Variants in ADGRL3 observed in about 807,000 individuals in gnomAD.
ADGRL3 encodes calcium-independent alpha-latrotoxin receptor 3.
In ADGRL3, 62 loss-of-function variants were observed where a neutral mutation model predicts 153.5. The ratio of observed to expected loss-of-function variants is 0.40; its 90% CI spans 0.33 to 0.50. The LOEUF is 0.50. Among genes scored for constraint, ADGRL3 ranks in the 20% least tolerant of loss-of-function variants. The pLI is 0.47. For synonymous variants in ADGRL3, 710 were observed against 672.5 expected (o/e 1.06, Z -0.86); for missense variants, 1,641 against 1,859.4 (o/e 0.88, Z 2.16).
chr4:61,846,606 A>G (rs2098118947), intron 9 of ADGRL3, among the ~76,000 whole-genome samples: 1 of 152,020 alleles, frequency 6.6e-6, no homozygotes, highest in South Asian at 2.1e-4. Context: ...TGTAGCATTT[A>G]ATTTGTGTGG....
At chr4:62,041,890 C>T (rs138779566) in intron 24 of ADGRL3, among the ~76,000 whole-genome samples, 1,646 of 152,030 alleles carry the variant, frequency 0.011, 26 homozygotes, top group Non-Finnish European at 0.016. Context: ...AGTTGTTAAC[C>T]TCCTGCACTC....
chr4:62,029,945 G>A (rs1246638283), intron 22 of ADGRL3, among the ~76,000 whole-genome samples: 1 of 151,352 alleles, frequency 6.6e-6, no homozygotes, highest in Non-Finnish European at 1.5e-5. Context: ...GAATCCAGTT[G>A]TAGTATAAAA....
chr4:61,983,923 T>G (rs970152011), intron 19 of ADGRL3, among the ~76,000 whole-genome samples: 1 of 152,184 alleles, frequency 6.6e-6, no homozygotes, highest in Non-Finnish European at 1.5e-5. Flanking sequence ...AAGAGCTATT[T>G]GCTAGCATAG....
Position 61,384,834 on chromosome 4 carries a change from C to G in ADGRL3, c.-174+1645C>G, listed in dbSNP as rs1349456559. On this transcript the variant is annotated intron_variant, in intron 2 of 26. Coordinates refer to ENST00000683033, the MANE Select transcript of ADGRL3 (RefSeq NM_001387552.1). ...AACTGAAAAAGACACACACAAAAGG[C>G]CAAACATATGATTCTATTTATATGG... 2.0e-5 allele frequency among the ~76,000 whole-genome samples: 3 copies of G among 151,818 alleles called. No individual in the cohort carries two copies. In the East Asian group the frequency reaches 5.8e-4, roughly 29 times the overall value.
At chr4:61,908,158 TC>T (rs1280155998) in intron 11 of ADGRL3, among the ~76,000 whole-genome samples, 1 of 152,002 alleles carries the variant, frequency 6.6e-6, no homozygotes, top group Non-Finnish European at 1.5e-5. Flanking sequence ...ACACCTGTAG[TC>T]CCAGCTACAT....
At chr4:61,694,531 G>A (rs1409116425) in intron 6 of ADGRL3, among the ~76,000 whole-genome samples, 2 of 152,096 alleles carry the variant, frequency 1.3e-5, no homozygotes, top group Non-Finnish European at 2.9e-5. Flanking sequence ...ATACCTTATT[G>A]CTAAAATGTG....
intron 21 of ADGRL3, among the ~76,000 whole-genome samples, chr4:62,015,800 T>C (rs961814217): frequency 3.3e-5 from 5 of 152,094 alleles, no homozygotes; most frequent in African/African-American, 1.2e-4. Flanking sequence ...CTTTTTCTTT[T>C]ACTTGCTGAT....
At chr4:61,310,864 A>G (rs1272897819) in intron 1 of ADGRL3, among the ~76,000 whole-genome samples, 1 of 151,952 alleles carries the variant, frequency 6.6e-6, no homozygotes, top group East Asian at 1.9e-4. Context: ...TAATGCCTCT[A>G]AATAAATTAT....
chr4:61,645,093 A>G (rs1438494054), intron 5 of ADGRL3, among the ~76,000 whole-genome samples: 1 of 146,894 alleles, frequency 6.8e-6, no homozygotes, highest in East Asian at 2.0e-4. Flanking sequence ...TTTATCAGAG[A>G]CTAGGATTGC....
At chr4:61,279,890 C>G (rs545626392) in intron 1 of ADGRL3, among the ~76,000 whole-genome samples, 1 of 152,164 alleles carries the variant, frequency 6.6e-6, no homozygotes. Flanking sequence ...GTTTCCCCGT[C>G]TGCAAAATAA....
rs1451823196 is a variant in ADGRL3 at position 61,895,758 on chromosome 4, C to G, written c.1811C>G (p.Pro604Arg). 10 of 1,600,274 alleles carry G rather than the reference C, an allele frequency of 6.2e-6. No individual in the cohort carries two copies. The highest frequency in any genetic ancestry group is 8.5e-6 in the Non-Finnish European group (10 of 1,172,366). ...IGVSTYLCLA[P>R]DGIWDPQGPD... is the part of the protein sequence containing the mutation. The stretch of plus-strand genomic sequence containing the variant: ...GTATCAACTTATCTATGCCTTGCTC[C>G]TGATGGAATTTGGGATCCCCAAGGT... The change falls in exon 11 of 27, where the codon CCT becomes CGT. Residue 604 changes from proline (P) to arginine (R), a missense_variant. By Grantham distance (103) the Pro-to-Arg change is moderately radical. Around this residue, in one of 5 missense-constraint regions of ADGRL3, gnomAD observed 734 missense variants for 797.0 expected, o/e 0.92. Transcript: ENST00000683033.
At chr4:61,866,284 G>A (rs1237711634) in intron 9 of ADGRL3, among the ~76,000 whole-genome samples, 3 of 152,128 alleles carry the variant, frequency 2.0e-5, no homozygotes, top group Non-Finnish European at 4.4e-5. Context: ...TAAATGAGGG[G>A]AAAGCATCAA....
chr4:62,017,709 C>T (rs1377685003), intron 21 of ADGRL3, among the ~76,000 whole-genome samples: 2 of 152,010 alleles, frequency 1.3e-5, no homozygotes, highest in African/African-American at 4.8e-5. Context: ...TGAGTAGACT[C>T]ATTCAAGTTT....
chr4:61,986,370 T>A (rs921330735), intron 19 of ADGRL3, among the ~76,000 whole-genome samples: 2 of 152,194 alleles, frequency 1.3e-5, no homozygotes, highest in Non-Finnish European at 2.9e-5. Context: ...CTCATTCAAT[T>A]TGTTTTGTTT....
chr4:61,391,341 C>T (rs934581363), intron 2 of ADGRL3, among the ~76,000 whole-genome samples: 1 of 152,094 alleles, frequency 6.6e-6, no homozygotes, highest in Admixed American at 6.5e-5. Context: ...ACAGATCTCA[C>T]GTGAACTCAG....
chr4:61,245,765 T>G (rs1178956259), intron 1 of ADGRL3, among the ~76,000 whole-genome samples: 1 of 152,122 alleles, frequency 6.6e-6, no homozygotes, highest in African/African-American at 2.4e-5. Context: ...TACTTTATTT[T>G]AAACACATCA....
At chr4:61,336,067 A>G (rs959035741) in intron 1 of ADGRL3, among the ~76,000 whole-genome samples, 3 of 152,194 alleles carry the variant, frequency 2.0e-5, no homozygotes, top group Non-Finnish European at 4.4e-5. Context: ...TATTGGATAG[A>G]GAACAAATAC....
At chr4:62,006,003 CAT>C (rs1217370949) in intron 21 of ADGRL3, among the ~76,000 whole-genome samples, 496 of 48,932 alleles carry the variant, frequency 0.01, 6 homozygotes, top group Admixed American at 0.032. Context: ...CACACACACA[CAT>C]ATATATATAT....
At chr4:62,054,137 A>G (rs1445184057) in intron 25 of ADGRL3, among the ~76,000 whole-genome samples, 1 of 151,654 alleles carries the variant, frequency 6.6e-6, no homozygotes, top group Non-Finnish European at 1.5e-5. Flanking sequence ...GATTTACTAA[A>G]AAGAACTGTG....
Sources: allele counts gnomAD v4.1 joint callset (sites outside exome capture counted in the v4.1 genomes callset), GRCh38; gene constraint gnomAD v4.1.1; regional missense constraint gnomAD v4.1.1; transcripts MANE v1.5; gene names NCBI Gene and HGNC (gene_info 2026-07-23, HGNC 2026-07-21).